Variants in PLCE1 observed in about 807,000 individuals in gnomAD.
The protein encoded by PLCE1 is phospholipase C epsilon 1, also known as 1-phosphatidylinositol 4,5-bisphosphate phosphodiesterase epsilon-1.
In PLCE1, 119 loss-of-function variants were observed where a neutral mutation model predicts 242.8. That is an observed-to-expected ratio of 0.49 (90% CI 0.42 to 0.57). PLCE1 has a LOEUF of 0.57. Among genes scored for constraint, PLCE1 ranks in the 20% least tolerant of loss-of-function variants. PLCE1 has a pLI of 0.00. For synonymous variants in PLCE1, 945 were observed against 1,017.4 expected (o/e 0.93, Z 1.35); for missense variants, 2,441 against 2,788.8 (o/e 0.88, Z 2.81).
intron 3 of PLCE1, among the ~76,000 whole-genome samples, chr10:94,148,985 C>T (rs1008791575): frequency 3.3e-5 from 5 of 152,186 alleles, no homozygotes; most frequent in African/African-American, 7.2e-5. Flanking sequence ...CACAGCACCC[C>T]GGATCTTTAA....
At chr10:94,264,316 G>A (rs2051425566) in intron 14 of PLCE1, among the ~76,000 whole-genome samples, 1 of 152,002 alleles carries the variant, frequency 6.6e-6, no homozygotes, top group Admixed American at 6.6e-5. Context: ...CAGCAAGCTG[G>A]GGGTTTATGA....
intron 28 of PLCE1, chr10:94,314,846 T>C (rs1430884772): frequency 6.6e-6 from 1 of 152,168 alleles, no homozygotes; most frequent in Non-Finnish European, 1.5e-5. Flanking sequence ...CTGACTTAAA[T>C]AGAGAAAACA....
chr10:94,144,864 A>T (rs1436284454), intron 3 of PLCE1, among the ~76,000 whole-genome samples: 2 of 152,166 alleles, frequency 1.3e-5, no homozygotes, highest in African/African-American at 4.8e-5. Context: ...GGGCACTGTG[A>T]CAAGTGTTTT....
intron 4 of PLCE1, among the ~76,000 whole-genome samples, chr10:94,223,742 C>T (rs1005877676): frequency 6.6e-6 from 1 of 152,168 alleles, no homozygotes; most frequent in Non-Finnish European, 1.5e-5. Flanking sequence ...TCTGTGCTTA[C>T]TATTGAAATA....
chr10:94,291,660 G>T (rs753724), intron 22 of PLCE1, among the ~76,000 whole-genome samples: 12,164 of 152,136 alleles, frequency 0.08, 572 homozygotes, highest in East Asian at 0.19. Context: ...TTAGCACATC[G>T]TCGGGAGCAT....
chr10:94,328,821 T>TA lies in PLCE1; in HGVS notation c.*884dup, dbSNP rs2054121492. ...GCCTATTCAGTTAATAGGGTTGCTTTAAAAAAGGTTATTGCTTAATCATAG... is the reference window on the plus strand; with the variant it reads ...GCCTATTCAGTTAATAGGGTTGCTTTAAAAAAAGGTTATTGCTTAATCATAG... On this transcript the variant is annotated 3_prime_UTR_variant, in exon 33 of 33. Transcript: ENST00000371380. 1 of 152,206 alleles carries TA rather than the reference T, an allele frequency of 6.6e-6. No individual in the cohort carries two copies. Among genetic ancestry groups the TA allele is most frequent in the Non-Finnish European group, 1.5e-5 (1 of 68,024 alleles). The allele number at this position is 152,206 out of a possible 1,614,324, so 9.4% of individuals were successfully genotyped here.
At chr10:94,056,978 G>C (rs2043924561) in intron 2 of PLCE1, among the ~76,000 whole-genome samples, 2 of 152,254 alleles carry the variant, frequency 1.3e-5, no homozygotes, top group Non-Finnish European at 2.9e-5. Flanking sequence ...GCATATGTTA[G>C]TACTTCACTA....
chr10:94,062,608 T>TTTG (rs2044090089), intron 2 of PLCE1, among the ~76,000 whole-genome samples: 1 of 146,758 alleles, frequency 6.8e-6, no homozygotes, highest in African/African-American at 2.6e-5. Context: ...TGTTTTGTTT[T>TTTG]TTTTTTTAGA....
chr10:94,315,360 C>T lies in PLCE1; in HGVS notation c.6133-1187C>T, dbSNP rs74151101. The T allele has an allele frequency of 4.8e-3, 2,165 of 455,458 alleles. 53 individuals carry two copies. The highest frequency in any genetic ancestry group is 0.039 in the African/African-American group (1,981 of 50,172). The allele number at this position is 455,458 out of a possible 1,614,324, so 28.2% of individuals were successfully genotyped here. On this transcript the variant is annotated intron_variant, in intron 28 of 32. Transcript: ENST00000371380. Reference sequence around the variant, plus strand: ...TTGCTTAATCCAGACCAGATGGTGGCAGCTTTCTCTCATCACCAAGCTACT... The same window carrying T: ...TTGCTTAATCCAGACCAGATGGTGGTAGCTTTCTCTCATCACCAAGCTACT...
rs748877598 is a variant in PLCE1 at position 94,258,872 on chromosome 10, A to C, written c.3627A>C (p.Ser1209=). Reference sequence around the variant, plus strand: ...AGGGATTTCAGAGCTTCATGGTTTCAGATAGCAACATGAGTTTTGTTGAAT... The same window carrying C: ...AGGGATTTCAGAGCTTCATGGTTTCCGATAGCAACATGAGTTTTGTTGAAT... ...GMKGFQSFMV[S]DSNMSFVEFV... The change falls in exon 12 of 33, where the codon TCA becomes TCC. Residue 1209 remains serine (S), a synonymous_variant. Transcript: ENST00000371380. 4.3e-6 allele frequency: 7 copies of C among 1,614,138 alleles called. No homozygotes were observed. The South Asian group carries it at 7.7e-5, about 18-fold the overall frequency.
At chr10:94,170,158 A>G (rs947567752) in intron 3 of PLCE1, among the ~76,000 whole-genome samples, 1 of 152,158 alleles carries the variant, frequency 6.6e-6, no homozygotes, top group African/African-American at 2.4e-5. Flanking sequence ...CTTTGCTGTT[A>G]CCCAGTGTCC....
rs10537252 is a variant in PLCE1, at chr10:94,332,505, C to CTGTGTGTGTGTGTGTG, written c.*4590_*4605dup. Reference sequence around the variant, plus strand: ...ATATAGCCTCAGGATATGTGTGTGCCTGTGTGTGTGTGTGTGTGTGTGTGT... The same window carrying CTGTGTGTGTGTGTGTG: ...ATATAGCCTCAGGATATGTGTGTGCCTGTGTGTGTGTGTGTGTGTGTGTGTGTGTGTGTGTGTGTGT... On this transcript the variant is annotated 3_prime_UTR_variant, in exon 33 of 33. Transcript: ENST00000371380. 39 of 145,802 alleles carry CTGTGTGTGTGTGTGTG rather than the reference C, an allele frequency of 2.7e-4. No individual in the cohort carries two copies. Among genetic ancestry groups the CTGTGTGTGTGTGTGTG allele is most frequent in the African/African-American group, 4.8e-4 (19 of 39,596 alleles). The allele number at this position is 145,802 out of a possible 1,614,324, so 9.0% of individuals were successfully genotyped here.
Position 94,262,801 on chromosome 10 carries a change from T to G in PLCE1, c.4053+69T>G, listed in dbSNP as rs1465129812. On this transcript the variant is annotated intron_variant, in intron 14 of 32. Transcript: ENST00000371380. ...GCTATTCTAATAATTTGCTGCTAAATGTTTATTCTTTCTATACTTCTTTCC... is the reference window on the plus strand; with the variant it reads ...GCTATTCTAATAATTTGCTGCTAAAGGTTTATTCTTTCTATACTTCTTTCC... 4 of 1,018,778 alleles carry G rather than the reference T, an allele frequency of 3.9e-6. No homozygotes were observed. In the Admixed American group the frequency reaches 6.7e-5, roughly 17 times the overall value. 63.1% of individuals were successfully genotyped at this position (1,018,778 alleles called of 1,614,324 possible).
chr10:94,286,544 ATAT>A (rs2052455565), intron 22 of PLCE1, among the ~76,000 whole-genome samples: 1 of 152,222 alleles, frequency 6.6e-6, no homozygotes, highest in African/African-American at 2.4e-5. Flanking sequence ...AAAAAAAATC[ATAT>A]TATTTAATGA....
intron 1 of PLCE1, among the ~76,000 whole-genome samples, chr10:94,014,437 T>TA (rs1446741748): frequency 5.6e-5 from 6 of 107,958 alleles, no homozygotes; most frequent in South Asian, 3.1e-4. Flanking sequence ...AATCCTGTCT[T>TA]TAAAAAAAAA....
At chr10:94,132,099 G>A in intron 2 of PLCE1, 75 bp from the exon 3 acceptor site, 1 of 1,421,148 alleles carries the variant, frequency 7.0e-7, no homozygotes. Context: ...AAGTCATCTT[G>A]GCATTTTGTC....
chr10:94,147,281 G>A (rs1459221705), intron 3 of PLCE1, among the ~76,000 whole-genome samples: 2 of 152,076 alleles, frequency 1.3e-5, no homozygotes, highest in African/African-American at 2.4e-5. Flanking sequence ...AATCAGCCAG[G>A]TATGGTGGTA....
chr10:94,326,567 T>TA (rs1374705807), intron 32 of PLCE1, among the ~76,000 whole-genome samples: 1 of 152,194 alleles, frequency 6.6e-6, no homozygotes. Flanking sequence ...CTTCTCTACA[T>TA]ATAAAGAGCC....
intron 19 of PLCE1, among the ~76,000 whole-genome samples, chr10:94,277,366 C>T (rs923296809): frequency 2.0e-5 from 3 of 152,176 alleles, no homozygotes; most frequent in African/African-American, 7.2e-5. Flanking sequence ...CAACCACAAC[C>T]TATATCCGAG....
Sources: allele counts gnomAD v4.1 joint callset (sites outside exome capture counted in the v4.1 genomes callset), GRCh38; gene constraint gnomAD v4.1.1; transcripts MANE v1.5; gene names NCBI Gene and HGNC (gene_info 2026-07-23, HGNC 2026-07-21).